Variants in RALYL observed in about 807,000 individuals in gnomAD.
RALYL encodes RALY RNA binding protein like, also known as RNA-binding Raly-like protein.
A neutral mutation model predicts 35.1 loss-of-function variants in RALYL; 29 were observed. The ratio of observed to expected loss-of-function variants is 0.83; its 90% CI spans 0.61 to 1.13. The LOEUF (loss-of-function observed/expected upper bound fraction) is 1.13, where lower values mean the gene tolerates loss of function less well. Ranked by LOEUF, RALYL falls within the 50% of genes most tolerant of loss-of-function variation. The pLI is 0.00. For synonymous variants in RALYL, 120 were observed against 127.6 expected, an observed-to-expected ratio of 0.94 and a Z score of 0.40; for missense variants, 359 against 360.4, an observed-to-expected ratio of 1.00 and a Z score of 0.03.
intron 4 of RALYL, among the ~76,000 whole-genome samples, chr8:84,814,700 A>AGTT (rs1826768812): frequency 6.6e-6 from 1 of 152,216 alleles, no homozygotes; most frequent in African/African-American, 2.4e-5. Context: ...TGTGAAAAGA[A>AGTT]GTTGAGTGAA....
At chr8:84,338,424 T>C (rs1048464195) in intron 1 of RALYL, among the ~76,000 whole-genome samples, 1 of 151,080 alleles carries the variant, frequency 6.6e-6, no homozygotes, top group Non-Finnish European at 1.5e-5. Context: ...AAGTATATTT[T>C]AACAAATCTA....
intron 1 of RALYL, among the ~76,000 whole-genome samples, chr8:84,287,325 A>G (rs116856323): frequency 3.5e-5 from 5 of 142,018 alleles, no homozygotes; most frequent in Admixed American, 7.0e-5. Context: ...CTAGGTTATT[A>G]GGAAGATCAT....
At chr8:84,649,684 C>G (rs1172364710) in intron 2 of RALYL, among the ~76,000 whole-genome samples, 6 of 151,944 alleles carry the variant, frequency 3.9e-5, no homozygotes, top group Non-Finnish European at 7.4e-5. Context: ...GTTCCTGTAG[C>G]CTTGTAGTAT....
intron 2 of RALYL, among the ~76,000 whole-genome samples, chr8:84,634,750 T>C (rs1475490754): frequency 6.6e-6 from 1 of 151,776 alleles, no homozygotes; most frequent in East Asian, 1.9e-4. Flanking sequence ...CATAGTATAG[T>C]GTGTCCCAGA....
intron 2 of RALYL, among the ~76,000 whole-genome samples, chr8:84,758,012 AAGT>A (rs904581538): frequency 1.4e-4 from 22 of 152,312 alleles, no homozygotes; most frequent in African/African-American, 3.6e-4. Context: ...GTTGATTTCC[AAGT>A]AGTTTTGACA....
chr8:84,302,963 CT>C (rs1841096805), intron 1 of RALYL, among the ~76,000 whole-genome samples: 1 of 152,102 alleles, frequency 6.6e-6, no homozygotes, highest in Non-Finnish European at 1.5e-5. Flanking sequence ...AATCTTAAGT[CT>C]TGTAGTTATG....
chr8:84,532,698 A>G (rs1345458014), intron 2 of RALYL, among the ~76,000 whole-genome samples: 1 of 152,034 alleles, frequency 6.6e-6, no homozygotes, highest in African/African-American at 2.4e-5. Flanking sequence ...GCATATTTGT[A>G]CATCATTTTC....
chr8:84,683,883 A>T (rs953793617), intron 2 of RALYL, among the ~76,000 whole-genome samples: 1 of 152,054 alleles, frequency 6.6e-6, no homozygotes, highest in African/African-American at 2.4e-5. Flanking sequence ...ACCAAGTTTC[A>T]CTATATTAGC....
intron 1 of RALYL, among the ~76,000 whole-genome samples, chr8:84,269,945 A>G (rs1833990444): frequency 6.6e-6 from 1 of 152,136 alleles, no homozygotes; most frequent in African/African-American, 2.4e-5. Context: ...TTTAAAGAGT[A>G]AATTAGGGTA....
At chr8:84,682,678 G>T (rs1452864098) in intron 2 of RALYL, among the ~76,000 whole-genome samples, 1 of 152,012 alleles carries the variant, frequency 6.6e-6, no homozygotes, top group Non-Finnish European at 1.5e-5. Flanking sequence ...TGTGGGATCA[G>T]TGGTGATATC....
intron 1 of RALYL, among the ~76,000 whole-genome samples, chr8:84,368,667 A>G (rs1329065418): frequency 6.6e-6 from 1 of 152,182 alleles, no homozygotes; most frequent in African/African-American, 2.4e-5. Context: ...CCCCTTATAA[A>G]GCCATCAGAT....
chr8:84,233,130 G>C (rs1279969808), intron 1 of RALYL, among the ~76,000 whole-genome samples: 1 of 151,788 alleles, frequency 6.6e-6, no homozygotes, highest in Admixed American at 6.6e-5. Flanking sequence ...CTGCAGATGT[G>C]CACCACCACA....
chr8:84,374,577 T>C (rs1856552026), intron 1 of RALYL, among the ~76,000 whole-genome samples: 1 of 151,762 alleles, frequency 6.6e-6, no homozygotes, highest in African/African-American at 2.4e-5. Context: ...TGTGGGAACA[T>C]GGATGGAGCT....
chr8:84,552,593 G>A (rs532457154), intron 2 of RALYL, among the ~76,000 whole-genome samples: 1 of 151,532 alleles, frequency 6.6e-6, no homozygotes, highest in African/African-American at 2.4e-5. Context: ...GGTTCATGGT[G>A]CTCCAATATT....
At chr8:84,790,855 T>C (rs987643978) in intron 3 of RALYL, among the ~76,000 whole-genome samples, 3 of 152,222 alleles carry the variant, frequency 2.0e-5, no homozygotes, top group African/African-American at 7.2e-5. Flanking sequence ...GTTTGAACAG[T>C]TGACCACCTT....
intron 1 of RALYL, among the ~76,000 whole-genome samples, chr8:84,249,521 T>C (rs971246367): frequency 6.6e-6 from 1 of 152,166 alleles, no homozygotes; most frequent in Admixed American, 6.5e-5. Flanking sequence ...AAGTGATTCT[T>C]TTAACTTTAT....
At chr8:84,206,771 G>A (rs762113589) in intron 1 of RALYL, among the ~76,000 whole-genome samples, 1 of 152,188 alleles carries the variant, frequency 6.6e-6, no homozygotes, top group African/African-American at 2.4e-5. Flanking sequence ...CTGAACATGA[G>A]TGAGTCAAAG....
chr8:84,505,464 G>A (rs1345283700), intron 1 of RALYL, among the ~76,000 whole-genome samples: 1 of 151,646 alleles, frequency 6.6e-6, no homozygotes, highest in African/African-American at 2.4e-5. Context: ...ACAATAAATT[G>A]TGTTATTTTT....
chr8:84,918,732 A>G (rs1848861213), intron 8 of RALYL, among the ~76,000 whole-genome samples: 2 of 152,262 alleles, frequency 1.3e-5, no homozygotes, highest in Non-Finnish European at 1.5e-5. Context: ...ATGTTTTGAC[A>G]TTGTTTTTAG....
Sources: gnomAD v4.1 joint callset for allele counts (sites outside exome capture counted in the v4.1 genomes callset) on GRCh38, gnomAD v4.1.1 for gene constraint, MANE v1.5 for transcripts, NCBI Gene and HGNC (gene_info 2026-07-23, HGNC 2026-07-21) for gene names.